Variants in SRF observed in about 807,000 individuals in gnomAD.
The protein encoded by SRF is serum response factor.
In SRF, 7 loss-of-function variants were observed where a neutral mutation model predicts 37.1. That is an observed-to-expected ratio of 0.19 (90% CI 0.11 to 0.35). The LOEUF (loss-of-function observed/expected upper bound fraction) is 0.35, where lower values mean the gene tolerates loss of function less well. Ranked by LOEUF, SRF falls within the 10% of genes least tolerant of loss-of-function variation. SRF has a pLI of 1.00. For synonymous variants in SRF, 285 were observed against 310.1 expected, an observed-to-expected ratio of 0.92 and a Z score of 0.85; for missense variants, 395 against 694.4, an observed-to-expected ratio of 0.57 and a Z score of 4.85.
chr6:43,176,645 G>C lies in SRF; in HGVS notation c.1140G>C (p.Thr380=), dbSNP rs200166395. The C allele has an allele frequency of 3.1e-6, 5 of 1,614,042 alleles. No homozygotes were observed. In the Admixed American group the frequency reaches 6.7e-5, roughly 22 times the overall value. The stretch of plus-strand genomic sequence containing the variant: ...CCCGTGACAGCAGCACAGACCTCAC[G>C]CAGACCTCCTCCAGCGGGACAGGTA... ...SPSRDSSTDL[T]QTSSSGTVTL... The change falls in exon 4 of 7, where the codon ACG becomes ACC. Residue 380 remains threonine, a synonymous_variant. Transcript: ENST00000265354. The surrounding 1 kb of genome is among the most constrained non-coding windows in gnomAD (Gnocchi z 4.0).
Position 43,176,720 on chromosome 6 carries a change from A to T in SRF, c.1162+53A>T, listed in dbSNP as rs1024993478. The T allele has an allele frequency of 6.3e-7, 1 of 1,592,310 alleles. No individual in the cohort carries two copies. Reference sequence around the variant, plus strand: ...CTCCCTGCCTTCCCCCACGAGGCCTAGCAGTAGGTGCCCAACAGTAACCCT... The same window carrying T: ...CTCCCTGCCTTCCCCCACGAGGCCTTGCAGTAGGTGCCCAACAGTAACCCT... On this transcript the variant is annotated intron_variant, in intron 4 of 6. Transcript: ENST00000265354. This position sits in a 1 kb window ranked among gnomAD's most constrained non-coding sequence, Gnocchi z 4.0.
intron 2 of SRF, among the ~76,000 whole-genome samples, chr6:43,175,137 C>T (rs143135540): frequency 7.9e-5 from 12 of 152,320 alleles, no homozygotes; most frequent in African/African-American, 1.2e-4. Flanking sequence ...CTGAGAAACT[C>T]AGTTCCTATC....
In SRF at chr6:43,179,042, C is replaced by T; in HGVS notation, c.1432-53C>T. 1 of 1,601,176 alleles carries T rather than the reference C, an allele frequency of 6.2e-7. No individual in the cohort carries two copies. On this transcript the variant is annotated intron_variant, in intron 6 of 6. Coordinates refer to ENST00000265354, the MANE Select transcript of SRF (RefSeq NM_003131.4). This position sits in a 1 kb window ranked among gnomAD's most constrained non-coding sequence, Gnocchi z 5.3. ...TTGGCAGGCAGGGAAGCCAGGGGAG[C>T]CTGAACTGGCTGGCCAGTCCCTGCC...
intron 2 of SRF, 76 bp downstream of exon 2, chr6:43,174,189 T>C: frequency 6.5e-7 from 1 of 1,544,366 alleles, no homozygotes; most frequent in Non-Finnish European, 8.8e-7. Context: ...GACAGGTGGA[T>C]AGGTGCCCAC....
Position 43,171,429 on chromosome 6 carries a change from A to T in SRF, c.-228A>T, listed in dbSNP as rs1455851844. ...CGGCGCGCCGCCCTAGCAGACGGAC[A>T]GGGGGCGCTGCGCGCGGCCTGGGGC... On this transcript the variant is annotated 5_prime_UTR_variant, in exon 1 of 7. Coordinates refer to ENST00000265354, the MANE Select transcript of SRF (RefSeq NM_003131.4). The surrounding 1 kb of genome is among the most constrained non-coding windows in gnomAD (Gnocchi z 6.5). 7.0e-6 allele frequency: 2 copies of T among 286,644 alleles called. No homozygotes were observed. The highest frequency in any genetic ancestry group is 2.2e-5 in the African/African-American group (1 of 44,536). The allele number at this position is 286,644 out of a possible 1,614,324, so 17.8% of individuals were successfully genotyped here.
rs2150498103 is a variant in SRF, at chr6:43,179,289, A to G, written c.*99A>G. ...TACACACACGTTGACGGGCCGCAGG[A>G]GGGAGGCGGGGAGGAGGAACGGGCA... On this transcript the variant is annotated 3_prime_UTR_variant, in exon 7 of 7. Transcript: ENST00000265354. The surrounding 1 kb of genome is among the most constrained non-coding windows in gnomAD (Gnocchi z 5.3). 5.3e-6 allele frequency: 7 copies of G among 1,327,582 alleles called. No individual in the cohort carries two copies. Among genetic ancestry groups the G allele is most frequent in the Non-Finnish European group, 6.3e-6 (6 of 946,532 alleles). 82.2% of individuals were successfully genotyped at this position (1,327,582 alleles called of 1,614,324 possible).
chr6:43,171,752 C>T lies in SRF; in HGVS notation c.96C>T (p.Gly32=). The T allele has an allele frequency of 8.3e-7, 1 of 1,203,274 alleles. No homozygotes were observed. Among genetic ancestry groups the T allele is most frequent in the African/African-American group, 1.6e-5 (1 of 63,182 alleles). The allele number at this position is 1,203,274 out of a possible 1,614,324, so 74.5% of individuals were successfully genotyped here. A position where few individuals can be genotyped will look rare whatever the true frequency, so the allele number is the denominator to read the frequency against. ...GGACCCCGACGGGGCGGCCGGGCGG[C>T]GGCGGCGGGACACGCGGGGCTAACG... The part of the protein sequence containing the change: ...LNRTPTGRPG[G]GGGTRGANGG... Residue 32 remains glycine (G), a synonymous_variant, in exon 1 of 7, where the codon GGC becomes GGT. Coordinates refer to ENST00000265354, the MANE Select transcript of SRF (RefSeq NM_003131.4). The surrounding 1 kb of genome is among the most constrained non-coding windows in gnomAD (Gnocchi z 6.5).
In SRF at chr6:43,171,809, C is replaced by G; in HGVS notation, c.153C>G (p.Leu51=). 1 of 1,227,844 alleles carries G rather than the reference C, an allele frequency of 8.1e-7. No individual in the cohort carries two copies. Among genetic ancestry groups the G allele is most frequent in the East Asian group, 3.2e-5 (1 of 30,818 alleles). 76.1% of individuals were successfully genotyped at this position (1,227,844 alleles called of 1,614,324 possible). A position where few individuals can be genotyped will look rare whatever the true frequency, so the allele number is the denominator to read the frequency against. Residue 51 remains leucine, a synonymous_variant, in exon 1 of 7, where the codon CTC becomes CTG. Transcript: ENST00000265354. This position sits in a 1 kb window ranked among gnomAD's most constrained non-coding sequence, Gnocchi z 6.5. Reference sequence around the variant, plus strand: ...GGGTCCCCGGGAATGGCGCGGGGCTCGGGCCCGGCCGCCTGGAGCGGGAGG... The same window carrying G: ...GGGTCCCCGGGAATGGCGCGGGGCTGGGGCCCGGCCGCCTGGAGCGGGAGG... ...GGRVPGNGAG[L]GPGRLEREAA...
Position 43,175,822 on chromosome 6 carries a change from C to A in SRF, c.897C>A (p.Ile299=). 6.2e-7 allele frequency: 1 copy of A among 1,614,202 alleles called. No homozygotes were observed. The highest frequency in any genetic ancestry group is 1.3e-5 in the African/African-American group (1 of 75,050). The change falls in exon 3 of 7, where the codon ATC becomes ATA. Residue 299 remains isoleucine (I), a synonymous_variant. Transcript: ENST00000265354. ...TCAGCAGCGGCCCCTCCTTTCCCAT[C>A]ACCAACTACCTGGCACCAGTGTCTG... ...MQVSSGPSFP[I]TNYLAPVSAS...
chr6:43,172,967 G>T lies in SRF; in HGVS notation c.513+798G>T, dbSNP rs535357609. 5.3e-5 allele frequency among the ~76,000 whole-genome samples: 8 copies of T among 152,210 alleles called. No homozygotes were observed. Among genetic ancestry groups the T allele is most frequent in the Non-Finnish European group, 1.2e-4 (8 of 68,036 alleles). On this transcript the variant is annotated intron_variant, in intron 1 of 6. Transcript: ENST00000265354. The surrounding 1 kb of genome is among the most constrained non-coding windows in gnomAD (Gnocchi z 5.7). ...AGTGTTGAGGAAAGGAGTCATTTTGGGGTGTAGACGATAAGGGAAGAGATG... is the reference window on the plus strand; with the variant it reads ...AGTGTTGAGGAAAGGAGTCATTTTGTGGTGTAGACGATAAGGGAAGAGATG...
In SRF at chr6:43,171,746, G is replaced by A. The variant is rs1772104288; in HGVS notation, c.90G>A (p.Pro30=). ...GSLNRTPTGR[P]GGGGGTRGAN... ...TGAACCGGACCCCGACGGGGCGGCC[G>A]GGCGGCGGCGGCGGGACACGCGGGG... Residue 30 remains proline, a synonymous_variant, in exon 1 of 7, where the codon CCG becomes CCA. Coordinates refer to ENST00000265354, the MANE Select transcript of SRF (RefSeq NM_003131.4). The surrounding 1 kb of genome is among the most constrained non-coding windows in gnomAD (Gnocchi z 6.5). 2 of 1,201,818 alleles carry A rather than the reference G, an allele frequency of 1.7e-6. No homozygotes were observed. The highest frequency in any genetic ancestry group is 1.6e-5 in the African/African-American group (1 of 62,966). 74.4% of individuals were successfully genotyped at this position (1,201,818 alleles called of 1,614,324 possible).
intron 2 of SRF, among the ~76,000 whole-genome samples, chr6:43,174,363 T>G (rs1772160051): frequency 6.6e-6 from 1 of 152,206 alleles, no homozygotes; most frequent in African/African-American, 2.4e-5. Flanking sequence ...CCCGCCTGCC[T>G]GGCAGGGCCT....
Position 43,180,895 on chromosome 6 carries a change from C to G in SRF, c.*1705C>G, listed in dbSNP as rs1476303370. 1 of 152,386 alleles carries G rather than the reference C, an allele frequency of 6.6e-6. No individual in the cohort carries two copies. Among genetic ancestry groups the G allele is most frequent in the African/African-American group, 2.4e-5 (1 of 41,466 alleles). 9.4% of individuals were successfully genotyped at this position (152,386 alleles called of 1,614,324 possible). A position where few individuals can be genotyped will look rare whatever the true frequency, so the allele number is the denominator to read the frequency against. On this transcript the variant is annotated 3_prime_UTR_variant, in exon 7 of 7. Transcript: ENST00000265354. ...TTTGAGAACCCCCTAACCTCTAACC[C>G]TCATTGCTGTCTTGCCCCAGTTTGG...
Position 43,173,889 on chromosome 6 carries a change from C to T in SRF, c.556C>T (p.Leu186=). ...STLTGTQVLL[L]VASETGHVYT... ...GCTGACAGGGACACAGGTGCTGTTG[C>T]TGGTGGCCAGTGAGACAGGCCATGT... is the stretch of plus-strand genomic sequence containing the variant. Residue 186 remains leucine, a synonymous_variant, in exon 2 of 7, where the codon CTG becomes TTG. Transcript: ENST00000265354. The surrounding 1 kb of genome is among the most constrained non-coding windows in gnomAD (Gnocchi z 4.2). 1 of 1,614,148 alleles carries T rather than the reference C, an allele frequency of 6.2e-7. No individual in the cohort carries two copies.
intron 4 of SRF, among the ~76,000 whole-genome samples, chr6:43,177,019 GT>G (rs1437295094): frequency 6.6e-6 from 1 of 152,150 alleles, no homozygotes; most frequent in Non-Finnish European, 1.5e-5. Context: ...GGTCTTACAG[GT>G]TTTGAGTAGC....
In SRF at chr6:43,175,803, G is replaced by A. The variant is rs770442653; in HGVS notation, c.878G>A (p.Ser293Asn). ...ACCTCTACCACCATGCAAGTCAGCA[G>A]CGGCCCCTCCTTTCCCATCACCAAC... ...PSTSTTMQVS[S>N]GPSFPITNYL... The change falls in exon 3 of 7, where the codon AGC becomes AAC. Residue 293 changes from serine (S) to asparagine (N), a missense_variant. Physicochemically the swap from Ser to Asn is conservative, Grantham distance 46. Transcript: ENST00000265354. The A allele has an allele frequency of 6.2e-7, 1 of 1,614,234 alleles. No homozygotes were observed. The highest frequency in any genetic ancestry group is 8.5e-7 in the Non-Finnish European group (1 of 1,180,034).
Position 43,180,243 on chromosome 6 carries a change from G to A in SRF, c.*1053G>A, listed in dbSNP as rs1463959041. 2.6e-5 allele frequency: 4 copies of A among 152,382 alleles called. No individual in the cohort carries two copies. The highest frequency in any genetic ancestry group is 5.9e-5 in the Non-Finnish European group (4 of 68,170). 9.4% of individuals were successfully genotyped at this position (152,382 alleles called of 1,614,324 possible). On this transcript the variant is annotated 3_prime_UTR_variant, in exon 7 of 7. Transcript: ENST00000265354. ...TAGGGCTGTTGCTAGGGAGAGGGAA[G>A]AGGGAGACCAAATGTCGGGGTTGGG... is the stretch of plus-strand genomic sequence containing the variant.
At position 43,178,421 on chromosome 6, in the gene SRF, G is replaced by A; in HGVS notation, c.1290G>A (p.Val430=). 6.2e-7 allele frequency: 1 copy of A among 1,614,146 alleles called. No individual in the cohort carries two copies. The highest frequency in any genetic ancestry group is 8.5e-7 in the Non-Finnish European group (1 of 1,180,026). The change falls in exon 5 of 7, where the codon GTG becomes GTA. Residue 430 remains valine (V), a synonymous_variant. Coordinates refer to ENST00000265354, the MANE Select transcript of SRF (RefSeq NM_003131.4). This position sits in a 1 kb window ranked among gnomAD's most constrained non-coding sequence, Gnocchi z 4.3. The stretch of plus-strand genomic sequence containing the variant: ...GCCTGGGTGATGGCAGCCTCACCGT[G>A]CTGAATGCCTTCTCCCAGGCACCAT... ...TSGLGDGSLT[V]LNAFSQAPST... is the part of the protein sequence containing the mutation.
In SRF at chr6:43,178,544, CACACACACAT is replaced by C. The variant is rs994024942; in HGVS notation, c.1354+71_1354+80del. ...CCGTTTCCTTCTTTATACACACACACACACACACATACACACACATATGCACTGATGCCTA... is the reference window on the plus strand; with the variant it reads ...CCGTTTCCTTCTTTATACACACACACACACACACATATGCACTGATGCCTA... On this transcript the variant is annotated intron_variant, in intron 5 of 6. Coordinates refer to ENST00000265354, the MANE Select transcript of SRF (RefSeq NM_003131.4). The surrounding 1 kb of genome is among the most constrained non-coding windows in gnomAD (Gnocchi z 4.3). 5 of 1,535,822 alleles carry C rather than the reference CACACACACAT, an allele frequency of 3.3e-6. No homozygotes were observed. Among genetic ancestry groups the C allele is most frequent in the East Asian group, 2.3e-5 (1 of 44,188 alleles).
Sources: allele counts gnomAD v4.1 joint callset (sites outside exome capture counted in the v4.1 genomes callset), GRCh38; gene constraint gnomAD v4.1.1; non-coding constraint Gnocchi (gnomAD v3.1); transcripts MANE v1.5; gene names NCBI Gene and HGNC (gene_info 2026-07-23, HGNC 2026-07-21).